The following RIMS1 variants were observed in gnomAD, a reference collection of about 807,000 sequenced individuals.
RIMS1 encodes regulating synaptic membrane exocytosis protein 1.
Under a neutral mutation model 214.1 loss-of-function variants are expected in RIMS1, and 83 were observed. That is an observed-to-expected ratio of 0.39 (90% CI 0.32 to 0.47). The LOEUF is 0.47. Among genes scored for constraint, RIMS1 ranks in the 20% least tolerant of loss-of-function variants. RIMS1 has a pLI of 0.99. For synonymous variants in RIMS1, 793 were observed against 786.8 expected (o/e 1.01, Z -0.13); for missense variants, 2,050 against 2,161.8 (o/e 0.95, Z 1.03).
intron 1 of RIMS1, among the ~76,000 whole-genome samples, chr6:71,916,036 T>C (rs992772049): frequency 1.3e-5 from 2 of 151,956 alleles, no homozygotes; most frequent in African/African-American, 4.8e-5. Flanking sequence ...CCACAACACA[T>C]AGGAATTGTG....
intron 2 of RIMS1, among the ~76,000 whole-genome samples, chr6:72,079,295 A>C (rs1832696356): frequency 6.6e-6 from 1 of 152,148 alleles, no homozygotes; most frequent in East Asian, 1.9e-4. Flanking sequence ...ATTTCTGGGA[A>C]CTTTTAAGCT....
chr6:72,216,590 C>A, intron 6 of RIMS1: 1 of 985,534 alleles, frequency 1.0e-6, no homozygotes. Context: ...TTACACAGGG[C>A]TTGGCAGGAC....
Position 72,287,592 on chromosome 6 carries a change from C to A in RIMS1, c.3555-3087C>A, listed in dbSNP as rs369498199. Among the ~76,000 whole-genome samples the A allele has an allele frequency of 2.1e-4, 32 of 151,012 alleles. 1 individual carries two copies. In the South Asian group the frequency reaches 2.7e-3, roughly 13 times the overall value. ...AAGTTTGAATTAAACTTTTGCTCTG[C>A]AAACTTTTTTTTTTTTTTTTGGAGA... On this transcript the variant is annotated intron_variant, in intron 24 of 33. Transcript: ENST00000521978.
chr6:71,898,060 CAT>C (rs1772404989), intron 1 of RIMS1, among the ~76,000 whole-genome samples: 1 of 152,240 alleles, frequency 6.6e-6, no homozygotes. Flanking sequence ...GTAAAATTAA[CAT>C]GTAATTTTTG....
At chr6:72,065,220 GT>G (rs1828984453) in intron 2 of RIMS1, among the ~76,000 whole-genome samples, 1 of 152,138 alleles carries the variant, frequency 6.6e-6, no homozygotes, top group African/African-American at 2.4e-5. Context: ...TGATTTTGTG[GT>G]GCCTAATGGA....
At chr6:72,166,840 AT>A (rs1000170442) in intron 4 of RIMS1, among the ~76,000 whole-genome samples, 6 of 151,860 alleles carry the variant, frequency 4.0e-5, no homozygotes, top group African/African-American at 9.7e-5. Context: ...TGTTTTGTAG[AT>A]TTTTTTTGGA....
At chr6:72,111,872 A>G (rs918832502) in intron 4 of RIMS1, among the ~76,000 whole-genome samples, 1 of 152,110 alleles carries the variant, frequency 6.6e-6, no homozygotes, top group Non-Finnish European at 1.5e-5. Context: ...TGTCCCATGG[A>G]TCATACTTGT....
chr6:72,192,580 G>C (rs2050239156), intron 6 of RIMS1, among the ~76,000 whole-genome samples: 1 of 152,156 alleles, frequency 6.6e-6, no homozygotes, highest in Non-Finnish European at 1.5e-5. Context: ...AATGCAGTAG[G>C]CGTCCTATCA....
intron 16 of RIMS1, among the ~76,000 whole-genome samples, chr6:72,255,077 A>T (rs934528749): frequency 1.3e-5 from 2 of 152,174 alleles, no homozygotes; most frequent in African/African-American, 4.8e-5. Context: ...TATACTCTTC[A>T]TTGATCCATT....
At chr6:72,055,150 A>G (rs1825813226) in intron 2 of RIMS1, among the ~76,000 whole-genome samples, 1 of 152,308 alleles carries the variant, frequency 6.6e-6, no homozygotes, top group Admixed American at 6.5e-5. Context: ...ATAGAGGGAC[A>G]TTTGAGAATT....
intron 29 of RIMS1, among the ~76,000 whole-genome samples, chr6:72,376,567 G>A (rs1277412022): frequency 1.3e-5 from 2 of 152,086 alleles, no homozygotes; most frequent in African/African-American, 4.8e-5. Context: ...GCAACATGAT[G>A]AAACCCTGTC....
rs2041056158 is a variant in RIMS1 at position 72,135,028 on chromosome 6, A to C, written c.471+35042A>C. ...CGTTAAATGATAATAATAAATATAT[A>C]ATGCAGAAGACTGGATCAAAATGCT... On this transcript the variant is annotated intron_variant, in intron 4 of 33. Coordinates refer to ENST00000521978, the MANE Select transcript of RIMS1 (RefSeq NM_014989.7). 2.0e-5 allele frequency among the ~76,000 whole-genome samples: 3 copies of C among 152,146 alleles called. No homozygotes were observed. In the South Asian group the frequency reaches 6.2e-4, roughly 32 times the overall value.
intron 24 of RIMS1, among the ~76,000 whole-genome samples, chr6:72,284,792 G>C (rs1186034230): frequency 6.6e-6 from 1 of 152,060 alleles, no homozygotes; most frequent in African/African-American, 2.4e-5. Flanking sequence ...AAGGGACACA[G>C]ATGTAAATGA....
At chr6:72,112,963 G>T (rs2036404282) in intron 4 of RIMS1, among the ~76,000 whole-genome samples, 1 of 152,120 alleles carries the variant, frequency 6.6e-6, no homozygotes, top group Non-Finnish European at 1.5e-5. Flanking sequence ...TGTGGAGTCA[G>T]CTTCATGTTA....
chr6:72,261,801 A>G (rs191554584), intron 19 of RIMS1: 123 of 984,850 alleles, frequency 1.2e-4, no homozygotes, highest in Non-Finnish European at 1.4e-4. Flanking sequence ...AAGTTATACT[A>G]CTCATAACTA....
chr6:72,153,262 A>T (rs1370561518), intron 4 of RIMS1, among the ~76,000 whole-genome samples: 1 of 147,600 alleles, frequency 6.8e-6, no homozygotes, highest in African/African-American at 2.4e-5. Flanking sequence ...TCAAAATAAG[A>T]GAGTTGGACT....
chr6:72,128,591 A>C (rs1353799049), intron 4 of RIMS1, among the ~76,000 whole-genome samples: 2 of 152,194 alleles, frequency 1.3e-5, no homozygotes, highest in African/African-American at 2.4e-5. Flanking sequence ...AGAATGGGGA[A>C]TCTTCCAGGA....
chr6:72,317,429 G>C (rs2095864238), intron 28 of RIMS1: 1 of 179,930 alleles, frequency 5.6e-6, no homozygotes, highest in African/African-American at 2.4e-5. Context: ...TTTGGCATTT[G>C]ATGTCAGTAG....
chr6:72,105,772 C>T (rs2153814097), intron 4 of RIMS1, among the ~76,000 whole-genome samples: 1 of 152,204 alleles, frequency 6.6e-6, no homozygotes, highest in East Asian at 1.9e-4. Flanking sequence ...CCTCAGATTT[C>T]CCCTTAGTGT....
Sources: gnomAD v4.1 joint callset for allele counts (sites outside exome capture counted in the v4.1 genomes callset) on GRCh38, gnomAD v4.1.1 for gene constraint, MANE v1.5 for transcripts, NCBI Gene and HGNC (gene_info 2026-07-23, HGNC 2026-07-21) for gene names.